ZNF599: variants seen among roughly 807,000 people sequenced by gnomAD.
The protein encoded by ZNF599 is zinc finger protein 599.
A neutral mutation model predicts 11.7 loss-of-function variants in ZNF599; 10 were observed. The ratio of observed to expected loss-of-function variants is 0.86; its 90% confidence interval spans 0.53 to 1.45. The LOEUF (loss-of-function observed/expected upper bound fraction) is 1.45. Ranked by LOEUF, ZNF599 falls within the 40% of genes most tolerant of loss-of-function variation. ZNF599 has a pLI of 0.00. For synonymous variants in ZNF599, 232 were observed against 253.2 expected (o/e 0.92, Z 0.79); for missense variants, 688 against 713.6 (o/e 0.96, Z 0.41).
chr19:34,759,879 C>G lies in ZNF599; in HGVS notation c.922G>C (p.Glu308Gln), dbSNP rs1213508430. 6.2e-7 allele frequency: 1 copy of G among 1,613,946 alleles called. No individual in the cohort carries two copies. The highest frequency in any genetic ancestry group is 2.2e-5 in the East Asian group (1 of 44,898). ...CATTCTTTGCATAAAAAGGGTTTTTCTCGAGTGTGAGTCATATTATGCTGG... is the reference window on the plus strand; with the variant it reads ...CATTCTTTGCATAAAAAGGGTTTTTGTCGAGTGTGAGTCATATTATGCTGG... ...FIQHNMTHTREKPFLCKECGK... is the reference protein window; with the variant it reads ...FIQHNMTHTRQKPFLCKECGK... Residue 308 changes from glutamate (E) to glutamine (Q), a missense_variant, in exon 4 of 4, where the codon GAA becomes CAA. Transcript: ENST00000329285.
At chr19:34,783,898 A>G in the ZNF599 span, among the ~76,000 whole-genome samples, 1 of 152,046 alleles carries the variant, frequency 6.6e-6, no homozygotes, top group East Asian at 1.9e-4. Context: ...TGCCGCTGCT[A>G]CCCAACTCCT....
chr19:34,781,847 A>G, the ZNF599 span, among the ~76,000 whole-genome samples: 1 of 152,188 alleles, frequency 6.6e-6, no homozygotes, highest in Non-Finnish European at 1.5e-5. Flanking sequence ...CAACCCATGA[A>G]TTGTAGGCTA....
intron 2 of ZNF599, among the ~76,000 whole-genome samples, chr19:34,769,143 C>T (rs930608038): frequency 2.0e-5 from 3 of 152,216 alleles, no homozygotes; most frequent in Non-Finnish European, 4.4e-5. Flanking sequence ...TTGACTCAAC[C>T]AAGCTGGGCC....
chr19:34,760,268 A>T lies in ZNF599; in HGVS notation c.533T>A (p.Leu178His). ...LQERVTPQDA[L>H]HECDSQGPGK... ...TGGTCCTTGAGAGTCACACTCATGG[A>T]GAGCATCTTGTGGAGTGACTCGTTC... The change falls in exon 4 of 4, where the codon CTC (leucine) becomes CAC (histidine). Residue 178 changes from leucine (L) to histidine (H), a missense_variant. By Grantham distance (99) the Leu-to-His change is moderately conservative. Coordinates refer to ENST00000329285, the MANE Select transcript of ZNF599 (RefSeq NM_001007248.3). The T allele has an allele frequency of 6.2e-7, 1 of 1,614,174 alleles. No homozygotes were observed. Among genetic ancestry groups the T allele is most frequent in the Non-Finnish European group, 8.5e-7 (1 of 1,180,030 alleles).
the ZNF599 span, among the ~76,000 whole-genome samples, chr19:34,804,922 A>G: frequency 2.0e-5 from 3 of 152,164 alleles, no homozygotes; most frequent in Admixed American, 2.0e-4. Context: ...CACTGCAACC[A>G]TAGTGTTATC....
upstream of ZNF599, among the ~76,000 whole-genome samples, chr19:34,774,720 C>T (rs1437306531): frequency 2.0e-5 from 3 of 152,164 alleles, no homozygotes; most frequent in Non-Finnish European, 2.9e-5. Flanking sequence ...TTATCCTATA[C>T]ATTCTACACT....
chr19:34,779,274 T>G, the ZNF599 span: 1 of 142,296 alleles, frequency 7.0e-6, no homozygotes, highest in Non-Finnish European at 1.5e-5. Context: ...TTTTTTTTCA[T>G]TTTTTGAAGA....
chr19:34,800,586 G>GTTTTCTTTTTT, the ZNF599 span, among the ~76,000 whole-genome samples: 1 of 112,978 alleles, frequency 8.9e-6, no homozygotes, highest in African/African-American at 3.4e-5. Flanking sequence ...CATTTCCTTT[G>GTTTTCTTTTTT]TTTTTTTTTT....
the ZNF599 span, among the ~76,000 whole-genome samples, chr19:34,803,092 G>A: frequency 6.6e-6 from 1 of 152,138 alleles, no homozygotes; most frequent in East Asian, 1.9e-4. Context: ...ACCTGGCCAG[G>A]GAAAGGGAAA....
Position 34,759,077 on chromosome 19 carries a change from C to A in ZNF599, c.1724G>T (p.Ser575Ile), listed in dbSNP as rs2069089750. 3 of 1,613,552 alleles carry A rather than the reference C, an allele frequency of 1.9e-6. No individual in the cohort carries two copies. Among genetic ancestry groups the A allele is most frequent in the Non-Finnish European group, 2.5e-6 (3 of 1,179,628 alleles). Reference protein sequence around the residue: ...CNECGKTFSHSSSFTHHRKIH... With the variant: ...CNECGKTFSHISSFTHHRKIH... ...CTTTCGATGGTGAGTGAACGATGAACTGTGGCTGAAGGTCTTTCCACATTC... is the reference window on the plus strand; with the variant it reads ...CTTTCGATGGTGAGTGAACGATGAAATGTGGCTGAAGGTCTTTCCACATTC... The change falls in exon 4 of 4, where the codon AGT (serine) becomes ATT (isoleucine). Residue 575 changes from serine to isoleucine, a missense_variant. By Grantham distance (142) the Ser-to-Ile change is moderately radical (BLOSUM62 -2). Coordinates refer to ENST00000329285, the MANE Select transcript of ZNF599 (RefSeq NM_001007248.3).
the ZNF599 span, among the ~76,000 whole-genome samples, chr19:34,778,505 T>C: frequency 6.6e-6 from 1 of 152,134 alleles, no homozygotes; most frequent in African/African-American, 2.4e-5. Context: ...GAAATAGATG[T>C]CTCCAGGTTT....
chr19:34,785,536 C>T, the ZNF599 span, among the ~76,000 whole-genome samples: 3 of 152,172 alleles, frequency 2.0e-5, no homozygotes, highest in East Asian at 5.8e-4. Context: ...CTGGTAACAT[C>T]AGTGACTCCC....
rs61730324 is a variant in ZNF599 at position 34,759,445 on chromosome 19, C to T, written c.1356G>A (p.Glu452=). ...TAAAAGCCTTTCCACATTCACTGCACTCATAAGGCTTCTCACCAGTGTGAA... is the reference window on the plus strand; with the variant it reads ...TAAAAGCCTTTCCACATTCACTGCATTCATAAGGCTTCTCACCAGTGTGAA... ...MRIHTGEKPY[E]CSECGKAFTH... is the part of the protein sequence containing the mutation. Residue 452 remains glutamate (E), a synonymous_variant, in exon 4 of 4, where the codon GAG becomes GAA. Coordinates refer to ENST00000329285, the MANE Select transcript of ZNF599 (RefSeq NM_001007248.3). 0.018 allele frequency: 28,598 copies of T among 1,614,142 alleles called. 308 individuals carry two copies. Among genetic ancestry groups the T allele is most frequent in the Non-Finnish European group, 0.021 (25,083 of 1,180,024 alleles).
chr19:34,766,100 G>A (rs1468752250), intron 3 of ZNF599, among the ~76,000 whole-genome samples: 1 of 152,184 alleles, frequency 6.6e-6, no homozygotes, highest in Non-Finnish European at 1.5e-5. Flanking sequence ...TTTTAGGCAT[G>A]ATGAGTGTGA....
At chr19:34,771,314 C>T (rs939039752) in intron 1 of ZNF599, among the ~76,000 whole-genome samples, 43 of 152,230 alleles carry the variant, frequency 2.8e-4, no homozygotes, top group African/African-American at 9.9e-4. Flanking sequence ...GTTTCTGTTA[C>T]TTATGAGCTA....
chr19:34,759,835 G>T lies in ZNF599; in HGVS notation c.966C>A (p.Tyr322Ter). 1 of 1,614,206 alleles carries T rather than the reference G, an allele frequency of 6.2e-7. No homozygotes were observed. The highest frequency in any genetic ancestry group is 8.5e-7 in the Non-Finnish European group (1 of 1,180,046). ...TCATATGTTGAGCAAATGAGGAGCT[G>T]TAGTAAAAAGCTTTCCCACATTCTT... ...LCKECGKAFY[Y>*]SSSFAQHMRI... The change falls in exon 4 of 4, where the codon TAC (tyrosine) becomes TAA (stop). Residue 322 changes from tyrosine to a stop codon, truncating the protein, a stop_gained. Coordinates refer to ENST00000329285, the MANE Select transcript of ZNF599 (RefSeq NM_001007248.3). LOFTEE classifies it low-confidence loss of function (END_TRUNC).
At chr19:34,801,574 A>T in the ZNF599 span, among the ~76,000 whole-genome samples, 2 of 152,270 alleles carry the variant, frequency 1.3e-5, no homozygotes, top group Non-Finnish European at 2.9e-5. Context: ...TGATACACTC[A>T]TAAAGCCCTT....
intron 1 of ZNF599, chr19:34,772,564 T>C: frequency 1.5e-6 from 2 of 1,338,368 alleles, no homozygotes; most frequent in Non-Finnish European, 1.9e-6. Flanking sequence ...CCCGAGGGAA[T>C]GGAGGCCGAG....
the ZNF599 span, among the ~76,000 whole-genome samples, chr19:34,790,376 G>A: frequency 9.9e-5 from 15 of 152,104 alleles, 1 homozygote; most frequent in South Asian, 3.1e-3. Context: ...ATGAATACAG[G>A]AAAAAATGAA....
Sources: allele counts gnomAD v4.1 joint callset (sites outside exome capture counted in the v4.1 genomes callset), GRCh38; gene constraint gnomAD v4.1.1; transcripts MANE v1.5; gene names NCBI Gene and HGNC (gene_info 2026-07-23, HGNC 2026-07-21).